Variants in NSD2 observed in about 807,000 individuals in gnomAD.
NSD2 encodes the protein nuclear receptor binding SET domain protein 2.
NSD2 carries 12 observed loss-of-function variants against 139.0 expected under a neutral mutation model. The observed-to-expected ratio is 0.09, with a 90% CI of 0.06 to 0.14. NSD2 has a LOEUF of 0.14. NSD2 is among the 10% of genes least tolerant of loss of function. The pLI, the probability that NSD2 is intolerant of heterozygous loss-of-function variation, is 1.00. For synonymous variants in NSD2, 669 were observed against 648.7 expected (o/e 1.03, Z -0.48); for missense variants, 1,155 against 1,745.0 (o/e 0.66, Z 6.02).
intron 1 of NSD2, among the ~76,000 whole-genome samples, chr4:1,872,813 C>T (rs924040345): frequency 2.0e-5 from 3 of 152,082 alleles, no homozygotes; most frequent in East Asian, 1.9e-4. Context: ...CAAATATCAA[C>T]GTGGAAAATA....
At chr4:1,903,674 T>TG (rs901200567) in intron 2 of NSD2, among the ~76,000 whole-genome samples, 31 of 152,226 alleles carry the variant, frequency 2.0e-4, no homozygotes, top group African/African-American at 7.2e-4. Context: ...TTCAAAATGT[T>TG]GAACACCTGC....
rs566573299 is a variant in NSD2 at position 1,948,619 on chromosome 4, A to G, written c.1882-2453A>G. ...CATGGACTGTACTATTGTAAGGTCTATATTCTGTATGTGGGTCCCAGACCC... is the reference window on the plus strand; with the variant it reads ...CATGGACTGTACTATTGTAAGGTCTGTATTCTGTATGTGGGTCCCAGACCC... On this transcript the variant is annotated intron_variant, in intron 9 of 21. Coordinates refer to ENST00000508803, the MANE Select transcript of NSD2 (RefSeq NM_001042424.3). This position sits in a 1 kb window ranked among gnomAD's most constrained non-coding sequence, Gnocchi z 4.5. The G allele has an allele frequency of 1.7e-5, 18 of 1,062,110 alleles. 1 individual carries two copies. The highest frequency in any genetic ancestry group is 1.0e-4 in the East Asian group (2 of 19,510). The allele number at this position is 1,062,110 out of a possible 1,614,324, so 65.8% of individuals were successfully genotyped here.
chr4:1,961,485 A>G (rs1725363264), intron 18 of NSD2, among the ~76,000 whole-genome samples: 1 of 152,058 alleles, frequency 6.6e-6, no homozygotes, highest in Non-Finnish European at 1.5e-5. Context: ...TTAAAAAGTG[A>G]TTGTATTTTA....
Position 1,981,251 on chromosome 4 carries a change from C to G in NSD2, c.*2342C>G, listed in dbSNP as rs1727735000. Reference sequence around the variant, plus strand: ...AGCAAGTAACACTAACTTTGAATGTCTCTACAATACCCGTTGATAACTCAG... The same window carrying G: ...AGCAAGTAACACTAACTTTGAATGTGTCTACAATACCCGTTGATAACTCAG... On this transcript the variant is annotated 3_prime_UTR_variant, in exon 22 of 22. Transcript: ENST00000508803. The G allele has an allele frequency of 8.6e-6, 2 of 233,210 alleles. No individual in the cohort carries two copies. Among genetic ancestry groups the G allele is most frequent in the East Asian group, 1.2e-4 (2 of 16,606 alleles). 14.4% of individuals were successfully genotyped at this position (233,210 alleles called of 1,614,324 possible). A position where few individuals can be genotyped will look rare whatever the true frequency, so the allele number is the denominator to read the frequency against.
intron 3 of NSD2, among the ~76,000 whole-genome samples, chr4:1,916,499 C>T (rs1329341691): frequency 6.6e-6 from 1 of 152,156 alleles, no homozygotes. Flanking sequence ...GTGCACACCA[C>T]CACACCCGGC....
intron 1 of NSD2, among the ~76,000 whole-genome samples, chr4:1,878,251 ATTTTTTTTTTTTTTT>A (rs71589624): frequency 7.5e-4 from 22 of 29,294 alleles, no homozygotes; most frequent in African/African-American, 2.7e-3. Context: ...ATATATATAT[ATTTTTTTTTTTTTTT>A]TTTTTTTTTT....
intron 2 of NSD2, among the ~76,000 whole-genome samples, chr4:1,901,532 T>G (rs954489160): frequency 6.6e-6 from 1 of 152,210 alleles, no homozygotes; most frequent in South Asian, 2.1e-4. Context: ...GCAAAGCTTG[T>G]TTCTTAACGT....
intron 8 of NSD2, among the ~76,000 whole-genome samples, chr4:1,938,892 G>T (rs1403462321): frequency 6.6e-6 from 1 of 152,102 alleles, no homozygotes; most frequent in African/African-American, 2.4e-5. Flanking sequence ...TCACCCTTCA[G>T]TACCCTGACC....
chr4:1,941,444 G>C, intron 9 of NSD2: 1 of 1,047,208 alleles, frequency 9.5e-7, no homozygotes, highest in Non-Finnish European at 1.2e-6. Flanking sequence ...CCAGTGTAGC[G>C]GGGTCGAGGC....
At chr4:1,911,121 G>A (rs1350555967) in intron 3 of NSD2, among the ~76,000 whole-genome samples, 2 of 152,136 alleles carry the variant, frequency 1.3e-5, no homozygotes, top group African/African-American at 2.4e-5. Context: ...TGAGCCCAGA[G>A]AGTCACAAAC....
chr4:1,952,693 G>A, intron 11 of NSD2: 1 of 1,063,450 alleles, frequency 9.4e-7, no homozygotes, highest in Non-Finnish European at 1.1e-6. Context: ...AGAAAGAACA[G>A]CTCCAGGCTT....
chr4:1,912,704 T>G (rs940745505), intron 3 of NSD2, among the ~76,000 whole-genome samples: 3 of 152,180 alleles, frequency 2.0e-5, no homozygotes, highest in African/African-American at 7.2e-5. Flanking sequence ...CCCTCCTTCC[T>G]TACTACTTAG....
intron 3 of NSD2, among the ~76,000 whole-genome samples, chr4:1,911,317 G>A (rs1412843911): frequency 6.6e-6 from 1 of 152,168 alleles, no homozygotes; most frequent in Non-Finnish European, 1.5e-5. Context: ...GCCAGGTGCA[G>A]TGGCTCATGC....
intron 18 of NSD2, among the ~76,000 whole-genome samples, chr4:1,971,236 G>A (rs543924325): frequency 2.6e-5 from 4 of 152,214 alleles, no homozygotes; most frequent in South Asian, 4.1e-4. Context: ...AGGTGAAGTC[G>A]AAGAAAGGAG....
intron 2 of NSD2, among the ~76,000 whole-genome samples, chr4:1,903,805 G>T (rs932331904): frequency 2.6e-5 from 4 of 151,040 alleles, no homozygotes; most frequent in Non-Finnish European, 5.9e-5. Context: ...CGTGATCTCG[G>T]CTCACTGCAA....
chr4:1,908,698 T>C (rs2108772438), intron 3 of NSD2, among the ~76,000 whole-genome samples: 1 of 152,138 alleles, frequency 6.6e-6, no homozygotes, highest in African/African-American at 2.4e-5. Flanking sequence ...GAGCTCTCTG[T>C]GGAAAGGCAC....
At chr4:1,887,107 C>T (rs145001071) in intron 1 of NSD2, among the ~76,000 whole-genome samples, 1 of 152,280 alleles carries the variant, frequency 6.6e-6, no homozygotes, top group Admixed American at 6.5e-5. Context: ...CTTGTTCCTC[C>T]TGCTCCATGT....
chr4:1,946,094 G>A, intron 9 of NSD2: 11 of 1,029,838 alleles, frequency 1.1e-5, no homozygotes, highest in Non-Finnish European at 1.3e-5. Context: ...TATAAATAGG[G>A]TAATTGCTGA....
At chr4:1,926,619 C>T (rs865930526) in intron 5 of NSD2, among the ~76,000 whole-genome samples, 2 of 151,960 alleles carry the variant, frequency 1.3e-5, no homozygotes, top group African/African-American at 2.4e-5. Flanking sequence ...TACTGGTGCA[C>T]GCCACCACAC....
Sources: allele counts gnomAD v4.1 joint callset (sites outside exome capture counted in the v4.1 genomes callset), GRCh38; gene constraint gnomAD v4.1.1; non-coding constraint Gnocchi (gnomAD v3.1); transcripts MANE v1.5; gene names NCBI Gene and HGNC (gene_info 2026-07-23, HGNC 2026-07-21).